LGSN: variants seen among roughly 807,000 people sequenced by gnomAD.
LGSN encodes the protein lengsin, lens protein with glutamine synthetase domain, also known as lengsin.
A neutral mutation model predicts 19.5 loss-of-function variants in LGSN; 21 were observed. The observed-to-expected ratio is 1.07, with a 90% CI of 0.76 to 1.55. The LOEUF is 1.55. LGSN is among the 40% of genes most tolerant of loss of function. The pLI, the probability that LGSN is intolerant of heterozygous loss-of-function variation, is 0.00. For synonymous variants in LGSN, 257 were observed against 215.6 expected, an observed-to-expected ratio of 1.19 and a Z score of -1.68; for missense variants, 673 against 608.5, an observed-to-expected ratio of 1.11 and a Z score of -1.12.
At chr6:63,355,628 T>C in the LGSN span, among the ~76,000 whole-genome samples, 2 of 152,226 alleles carry the variant, frequency 1.3e-5, no homozygotes, top group Non-Finnish European at 2.9e-5. Context: ...AGTCGTTTGC[T>C]GGCAATCTTT....
At chr6:63,412,709 G>GGGAAGGAAGGAA in the LGSN span, among the ~76,000 whole-genome samples, 642 of 65,222 alleles carry the variant, frequency 9.8e-3, 24 homozygotes, top group African/African-American at 0.049. Flanking sequence ...GAAAGAAAGA[G>GGGAAGGAAGGAA]GGAAGGAAGG....
chr6:63,555,439 CA>C, the LGSN span, among the ~76,000 whole-genome samples: 1 of 152,194 alleles, frequency 6.6e-6, no homozygotes, highest in Non-Finnish European at 1.5e-5. Context: ...TCCCTTTCTC[CA>C]GTGTCTTCAG....
the LGSN span, among the ~76,000 whole-genome samples, chr6:63,356,767 C>T: frequency 1.3e-5 from 2 of 151,998 alleles, 1 homozygote; most frequent in South Asian, 4.1e-4. Context: ...TGCAACATGA[C>T]CAATTGTCTT....
chr6:63,431,007 G>T, the LGSN span, among the ~76,000 whole-genome samples: 1 of 152,064 alleles, frequency 6.6e-6, no homozygotes, highest in Non-Finnish European at 1.5e-5. Context: ...TCAGTGCCTG[G>T]CAAAATATGT....
the LGSN span, among the ~76,000 whole-genome samples, chr6:63,461,712 A>G: frequency 1.3e-5 from 2 of 152,206 alleles, no homozygotes; most frequent in South Asian, 2.1e-4. Context: ...TCCCAAATCA[A>G]TCTGGTCTTC....
chr6:63,405,580 G>GT, the LGSN span, among the ~76,000 whole-genome samples: 1 of 152,106 alleles, frequency 6.6e-6, no homozygotes, highest in Non-Finnish European at 1.5e-5. Context: ...TTTTTCATGT[G>GT]TTTTTTGGCT....
chr6:63,550,201 T>A, the LGSN span: 1 of 152,088 alleles, frequency 6.6e-6, no homozygotes, highest in Non-Finnish European at 1.5e-5. Context: ...ACATAATAGA[T>A]TCAAAACAAA....
chr6:63,289,774 CT>C (rs1481309185), intron 2 of LGSN, among the ~76,000 whole-genome samples: 1 of 152,100 alleles, frequency 6.6e-6, no homozygotes, highest in Non-Finnish European at 1.5e-5. Flanking sequence ...GATGTTTGGG[CT>C]TTCAGAAATA....
the LGSN span, among the ~76,000 whole-genome samples, chr6:63,400,826 T>A: frequency 6.6e-6 from 1 of 152,142 alleles, no homozygotes. Flanking sequence ...AAACCCTGTC[T>A]CTGCTAAAAA....
the LGSN span, among the ~76,000 whole-genome samples, chr6:63,366,576 T>A: frequency 6.6e-6 from 1 of 151,438 alleles, no homozygotes; most frequent in Non-Finnish European, 1.5e-5. Context: ...CTTCACAGAA[T>A]TTGAAAAAAC....
At chr6:63,383,732 T>C in the LGSN span, among the ~76,000 whole-genome samples, 2 of 152,208 alleles carry the variant, frequency 1.3e-5, no homozygotes, top group Non-Finnish European at 2.9e-5. Flanking sequence ...TATATTTTAA[T>C]AACTTTTTCA....
At chr6:63,400,210 T>C in the LGSN span, among the ~76,000 whole-genome samples, 1 of 152,178 alleles carries the variant, frequency 6.6e-6, no homozygotes, top group Non-Finnish European at 1.5e-5. Context: ...TTGATATCAC[T>C]AAAGAGAGCC....
At chr6:63,570,401 A>T in the LGSN span, among the ~76,000 whole-genome samples, 2 of 152,208 alleles carry the variant, frequency 1.3e-5, no homozygotes, top group Non-Finnish European at 2.9e-5. Context: ...TCCTTTAAAT[A>T]TGTTACTTTC....
the LGSN span, among the ~76,000 whole-genome samples, chr6:63,450,470 C>T: frequency 1.0e-4 from 15 of 150,638 alleles, no homozygotes; most frequent in Admixed American, 2.6e-4. Flanking sequence ...CTCTTGAATC[C>T]GGAGGCAGAG....
chr6:63,432,455 G>T, the LGSN span, among the ~76,000 whole-genome samples: 1 of 152,022 alleles, frequency 6.6e-6, no homozygotes, highest in Admixed American at 6.5e-5. Flanking sequence ...ACTTCGGGAG[G>T]CAGAGGCAGG....
intron 2 of LGSN, among the ~76,000 whole-genome samples, chr6:63,286,922 C>T (rs1233183376): frequency 6.6e-6 from 1 of 152,214 alleles, no homozygotes; most frequent in Non-Finnish European, 1.5e-5. Flanking sequence ...GTAAGTGCTA[C>T]TTAAATGCAT....
chr6:63,463,688 C>T, the LGSN span, among the ~76,000 whole-genome samples: 2 of 152,266 alleles, frequency 1.3e-5, no homozygotes, highest in African/African-American at 4.8e-5. Context: ...ACAGGTCATG[C>T]TTGTAGGTAC....
intron 1 of LGSN, among the ~76,000 whole-genome samples, chr6:63,304,141 G>A (rs753143218): frequency 2.0e-5 from 3 of 152,220 alleles, no homozygotes; most frequent in Admixed American, 6.5e-5. Context: ...AAGATGAAGG[G>A]CCAGTGTAGG....
the LGSN span, among the ~76,000 whole-genome samples, chr6:63,352,613 ATCACAC>A: frequency 1.0e-3 from 152 of 151,462 alleles, no homozygotes; most frequent in Non-Finnish European, 1.7e-3. Context: ...CTGAGCCATG[ATCACAC>A]CACCGCACTC....
Sources: allele counts gnomAD v4.1 joint callset (sites outside exome capture counted in the v4.1 genomes callset), GRCh38; gene constraint gnomAD v4.1.1; transcripts MANE v1.5; gene names NCBI Gene and HGNC (gene_info 2026-07-23, HGNC 2026-07-21).